MAPKAPK5: variants seen among roughly 807,000 people sequenced by gnomAD.
The protein encoded by MAPKAPK5 is MAPK activated protein kinase 5, also known as MAP kinase-activated protein kinase 5.
In MAPKAPK5, 30 loss-of-function variants were observed where a neutral mutation model predicts 65.1. The ratio of observed to expected loss-of-function variants is 0.46; its 90% confidence interval spans 0.34 to 0.63. MAPKAPK5 has a LOEUF of 0.63. Among genes scored for constraint, MAPKAPK5 ranks in the 20% least tolerant of loss-of-function variants. The probability of loss-of-function intolerance (pLI) is 0.01; values close to 1 mark genes in which losing one functional copy is unlikely to be tolerated. For synonymous variants in MAPKAPK5, 179 were observed against 204.6 expected, an observed-to-expected ratio of 0.87 and a Z score of 1.07; for missense variants, 433 against 581.4, an observed-to-expected ratio of 0.74 and a Z score of 2.63.
At chr12:111,885,880 CTG>C in intron 9 of MAPKAPK5, 34 bp from the exon 10 acceptor site, 2 of 1,613,336 alleles carry the variant, frequency 1.2e-6, no homozygotes, top group Non-Finnish European at 1.7e-6. Flanking sequence ...TTGGTAGCAA[CTG>C]TGCATGGCAG....
chr12:111,844,612 C>G (rs1364383564), intron 1 of MAPKAPK5, among the ~76,000 whole-genome samples: 1 of 152,172 alleles, frequency 6.6e-6, no homozygotes, highest in Non-Finnish European at 1.5e-5. Context: ...AGATGGTGTC[C>G]TAGACACAAA....
chr12:111,860,662 G>A (rs928385118), intron 1 of MAPKAPK5, among the ~76,000 whole-genome samples: 12 of 152,164 alleles, frequency 7.9e-5, no homozygotes, highest in African/African-American at 2.7e-4. Flanking sequence ...AGGAGTAGAA[G>A]GATGGCAGGA....
In MAPKAPK5 at chr12:111,883,450, C is replaced by A; in HGVS notation, c.661-131C>A. On this transcript the variant is annotated intron_variant, in intron 8 of 13. Coordinates refer to ENST00000550735, the MANE Select transcript of MAPKAPK5 (RefSeq NM_003668.4). The surrounding 1 kb of genome is among the most constrained non-coding windows in gnomAD (Gnocchi z 4.8). ...TCTCCTAAGACTTCCTTCAGCTTTC[C>A]TAGTCTCTGTTAAGTGACTCTAGTT... 1 of 680,200 alleles carries A rather than the reference C, an allele frequency of 1.5e-6. No homozygotes were observed. The highest frequency in any genetic ancestry group is 2.6e-5 in the Admixed American group (1 of 38,166). 42.1% of individuals were successfully genotyped at this position (680,200 alleles called of 1,614,324 possible).
intron 7 of MAPKAPK5, among the ~76,000 whole-genome samples, chr12:111,878,958 C>T (rs1027583311): frequency 6.6e-6 from 1 of 152,190 alleles, no homozygotes; most frequent in Non-Finnish European, 1.5e-5. Flanking sequence ...GTTGGCCCTC[C>T]ACCTTTGTTC....
intron 1 of MAPKAPK5, among the ~76,000 whole-genome samples, chr12:111,847,733 TATA>T: frequency 6.6e-6 from 1 of 152,216 alleles, no homozygotes; most frequent in Non-Finnish European, 1.5e-5. Flanking sequence ...CACTCTGGTG[TATA>T]ATATTTCCAT....
At chr12:111,842,963 A>G in intron 1 of MAPKAPK5, 194 bp downstream of exon 1, 2 of 434,684 alleles carry the variant, frequency 4.6e-6, no homozygotes, top group Non-Finnish European at 8.0e-6. Context: ...TGTGTGTCCG[A>G]CTCCCGCCAG....
At chr12:111,846,463 A>C (rs1013513448) in intron 1 of MAPKAPK5, among the ~76,000 whole-genome samples, 3 of 145,800 alleles carry the variant, frequency 2.1e-5, no homozygotes, top group Admixed American at 1.4e-4. Context: ...TATTAAGTGG[A>C]AAATTCCAGA....
chr12:111,889,055 G>T lies in MAPKAPK5; in HGVS notation c.1216+55G>T, dbSNP rs552558192. The T allele has an allele frequency of 3.1e-5, 47 of 1,536,814 alleles. No homozygotes were observed. The African/African-American group carries it at 5.3e-4, about 17-fold the overall frequency. On this transcript the variant is annotated intron_variant, in intron 12 of 13. Coordinates refer to ENST00000550735, the MANE Select transcript of MAPKAPK5 (RefSeq NM_003668.4). ...GTGTGTCTGTGAGTGTGTGTGTGCA[G>T]GGGTGGGTGGGTGTATGCATGCACA...
At chr12:111,865,138 C>G in intron 1 of MAPKAPK5, 112 bp from the exon 2 acceptor site, 2 of 661,828 alleles carry the variant, frequency 3.0e-6, no homozygotes, top group East Asian at 5.5e-5. Flanking sequence ...TTATCAGATT[C>G]TCTTAGAAGA....
At chr12:111,874,960 G>A (rs939179728) in intron 7 of MAPKAPK5, among the ~76,000 whole-genome samples, 1 of 151,604 alleles carries the variant, frequency 6.6e-6, no homozygotes, top group Non-Finnish European at 1.5e-5. Flanking sequence ...CATATTTTTA[G>A]TAGAGACGGG....
In MAPKAPK5 at chr12:111,900,276, A is replaced by G; in HGVS notation, c.*7215A>G. ...ACAGAATATGGGCCAGGCCTTTCTCAGTGGTGCCTGCTCAAGCGGTTTTGC... is the reference window on the plus strand; with the variant it reads ...ACAGAATATGGGCCAGGCCTTTCTCGGTGGTGCCTGCTCAAGCGGTTTTGC... On this transcript the variant is annotated 3_prime_UTR_variant, in exon 14 of 14. Transcript: ENST00000550735. 2.2e-6 allele frequency: 1 copy of G among 456,036 alleles called. No individual in the cohort carries two copies. Among genetic ancestry groups the G allele is most frequent in the South Asian group, 1.5e-5 (1 of 64,560 alleles). 28.2% of individuals were successfully genotyped at this position (456,036 alleles called of 1,614,324 possible). A position where few individuals can be genotyped will look rare whatever the true frequency, so the allele number is the denominator to read the frequency against.
At chr12:111,843,077 A>ACTG (rs1447661719) in intron 1 of MAPKAPK5, 2 of 398,464 alleles carry the variant, frequency 5.0e-6, no homozygotes, top group African/African-American at 4.1e-5. Context: ...TACTACTACT[A>ACTG]CTACACGTTT....
intron 1 of MAPKAPK5, among the ~76,000 whole-genome samples, chr12:111,864,151 T>C (rs369553356): frequency 2.0e-5 from 3 of 152,110 alleles, no homozygotes; most frequent in South Asian, 4.2e-4. Flanking sequence ...GGTGTGTGCC[T>C]GTTTTCCTAG....
intron 8 of MAPKAPK5, among the ~76,000 whole-genome samples, chr12:111,881,402 C>CTTTTTTTTTTTT (rs1274226182): frequency 0.01 from 1,200 of 116,538 alleles, 72 homozygotes; most frequent in Non-Finnish European, 0.016. Context: ...CCTGTCTGTT[C>CTTTTTTTTTTTT]CTTTTTTTTT....
At chr12:111,843,106 G>T (rs769063135) in intron 1 of MAPKAPK5, 23 of 398,540 alleles carry the variant, frequency 5.8e-5, no homozygotes, top group Non-Finnish European at 1.0e-4. Context: ...CCCCAAGGCC[G>T]CCAGCATTTG....
chr12:111,887,370 T>TGTTA (rs2070437765), intron 10 of MAPKAPK5, among the ~76,000 whole-genome samples: 1 of 152,134 alleles, frequency 6.6e-6, no homozygotes, highest in African/African-American at 2.4e-5. Context: ...TTACTCAAGA[T>TGTTA]CTTAAAAATG....
intron 1 of MAPKAPK5, among the ~76,000 whole-genome samples, chr12:111,845,089 T>G (rs904983702): frequency 1.6e-4 from 24 of 152,236 alleles, no homozygotes; most frequent in African/African-American, 5.8e-4. Context: ...ACTTAGTGGT[T>G]GTTATAGCTT....
At position 111,883,614 on chromosome 12, in the gene MAPKAPK5, T is replaced by C; in HGVS notation, c.694T>C (p.Tyr232His). The C allele has an allele frequency of 6.2e-7, 1 of 1,613,862 alleles. No individual in the cohort carries two copies. The highest frequency in any genetic ancestry group is 8.5e-7 in the Non-Finnish European group (1 of 1,179,828). ...CDLWSLGVII[Y>H]VMLCGYPPFY... is the part of the protein sequence containing the mutation. The stretch of plus-strand genomic sequence containing the variant: ...CTTGTGGTCCCTAGGGGTGATTATC[T>C]ATGTGATGCTGTGCGGATACCCTCC... Residue 232 changes from tyrosine to histidine, a missense_variant, in exon 9 of 14, where the codon TAT becomes CAT. Tyr to His is a moderately conservative substitution (Grantham distance 83, BLOSUM62 2). Transcript: ENST00000550735. The surrounding 1 kb of genome is among the most constrained non-coding windows in gnomAD (Gnocchi z 4.8).
Position 111,892,952 on chromosome 12 carries a change from T to C in MAPKAPK5, c.1322-15T>C, listed in dbSNP as rs1450438584. On this transcript the variant is annotated splice_polypyrimidine_tract_variant and intron_variant, in intron 13 of 13. Coordinates refer to ENST00000550735, the MANE Select transcript of MAPKAPK5 (RefSeq NM_003668.4). ...AAGAATTTGAGGACTGACCTTGTTC[T>C]TTTTTTGCTTTCAGGTCGTGGATTC... 1 of 1,544,608 alleles carries C rather than the reference T, an allele frequency of 6.5e-7. No individual in the cohort carries two copies. The highest frequency in any genetic ancestry group is 1.2e-5 in the South Asian group (1 of 82,826).
Sources: gnomAD v4.1 joint callset for allele counts (sites outside exome capture counted in the v4.1 genomes callset) on GRCh38, gnomAD v4.1.1 for gene constraint, Gnocchi (gnomAD v3.1) non-coding constraint, MANE v1.5 for transcripts, NCBI Gene and HGNC (gene_info 2026-07-23, HGNC 2026-07-21) for gene names.